The following PAX3 variants were observed in gnomAD, a reference collection of about 807,000 sequenced individuals.
PAX3 encodes the protein paired box 3, also known as paired box protein Pax-3.
PAX3 carries 14 observed loss-of-function variants against 51.6 expected under a neutral mutation model. The ratio of observed to expected loss-of-function variants is 0.27; its 90% CI spans 0.18 to 0.42. PAX3 has a LOEUF of 0.42. Ranked by LOEUF, PAX3 falls within the 10% of genes least tolerant of loss-of-function variation. The probability of loss-of-function intolerance (pLI) is 1.00; values close to 1 mark genes in which losing one functional copy is unlikely to be tolerated. For synonymous variants in PAX3, 280 were observed against 253.4 expected, an observed-to-expected ratio of 1.11 and a Z score of -1.00; for missense variants, 540 against 642.8, an observed-to-expected ratio of 0.84 and a Z score of 1.73.
chr2:222,291,712 TCC>T (rs908671255), intron 4 of PAX3, among the ~76,000 whole-genome samples: 1 of 152,098 alleles, frequency 6.6e-6, no homozygotes, highest in East Asian at 1.9e-4. Context: ...AGCTTTCTTC[TCC>T]CCCTCTGCCA....
chr2:222,275,725 T>TTTTTTATA, intron 4 of PAX3, among the ~76,000 whole-genome samples: 1 of 152,372 alleles, frequency 6.6e-6, no homozygotes, highest in East Asian at 1.9e-4. Context: ...TTTCTTACAT[T>TTTTTTATA]CTTTCCAAGT....
At chr2:222,259,906 A>G (rs546726013) in intron 4 of PAX3, among the ~76,000 whole-genome samples, 126 of 152,284 alleles carry the variant, frequency 8.3e-4, no homozygotes, top group Admixed American at 2.2e-3. Context: ...TTTAAGAGAT[A>G]GGATGTCTCT....
intron 7 of PAX3, among the ~76,000 whole-genome samples, chr2:222,205,231 G>A (rs1691460673): frequency 6.6e-6 from 1 of 152,106 alleles, no homozygotes; most frequent in Non-Finnish European, 1.5e-5. Flanking sequence ...GCCGTATTAG[G>A]GCAATAGAAA....
At chr2:222,202,246 G>A (rs1298395587) in intron 7 of PAX3, 56 bp from the exon 8 acceptor site, 1 of 1,259,064 alleles carries the variant, frequency 7.9e-7, no homozygotes, top group Non-Finnish European at 1.1e-6. Context: ...CCAGATTGCA[G>A]CCTACAGCTG....
chr2:222,249,852 G>A (rs528491928), intron 4 of PAX3, among the ~76,000 whole-genome samples: 1 of 152,184 alleles, frequency 6.6e-6, no homozygotes, highest in African/African-American at 2.4e-5. Flanking sequence ...AGTAACGACA[G>A]CCCTCCCCTG....
chr2:222,273,062 T>C (rs1052371593), intron 4 of PAX3, among the ~76,000 whole-genome samples: 6 of 152,240 alleles, frequency 3.9e-5, no homozygotes, highest in African/African-American at 1.4e-4. Context: ...CTAATTTTTA[T>C]TAACTGAATG....
intron 8 of PAX3, 152 bp from the exon 9 acceptor site, chr2:222,201,594 C>A: frequency 1.5e-6 from 2 of 1,298,152 alleles, no homozygotes; most frequent in South Asian, 1.3e-5. Flanking sequence ...TTTGACACAA[C>A]TTTGTGTCCC....
chr2:222,240,316 T>G (rs901733811), intron 4 of PAX3, among the ~76,000 whole-genome samples: 2 of 152,160 alleles, frequency 1.3e-5, no homozygotes, highest in Non-Finnish European at 2.9e-5. Context: ...GCCTCTGAAG[T>G]GCTGAGCTGC....
chr2:222,291,131 G>C (rs945693488), intron 4 of PAX3, among the ~76,000 whole-genome samples: 2 of 152,196 alleles, frequency 1.3e-5, no homozygotes, highest in Non-Finnish European at 2.9e-5. Context: ...GCGCCCGCGG[G>C]CCCGCTAGGC....
intron 6 of PAX3, 46 bp downstream of exon 6, chr2:222,221,176 A>G (rs1410723004): frequency 6.3e-7 from 1 of 1,580,902 alleles, no homozygotes; most frequent in East Asian, 2.2e-5. Flanking sequence ...CACCAGAGAA[A>G]TCGCCTGGAA....
intron 4 of PAX3, among the ~76,000 whole-genome samples, chr2:222,236,248 C>T (rs1428446102): frequency 6.6e-6 from 1 of 152,122 alleles, no homozygotes; most frequent in Non-Finnish European, 1.5e-5. Flanking sequence ...CAATTTGAAT[C>T]ATTTCATTTT....
At chr2:222,244,061 A>G (rs930943415) in intron 4 of PAX3, among the ~76,000 whole-genome samples, 1 of 152,208 alleles carries the variant, frequency 6.6e-6, no homozygotes, top group Non-Finnish European at 1.5e-5. Context: ...TCTCCTGTCT[A>G]CAAGGTGGTC....
intron 2 of PAX3, 110 bp downstream of exon 2, chr2:222,296,868 G>A: frequency 1.1e-6 from 1 of 932,414 alleles, no homozygotes; most frequent in Non-Finnish European, 1.7e-6. Context: ...ACAAACCTCA[G>A]AAATAACTCA....
chr2:222,210,033 A>G (rs748026166), intron 7 of PAX3, among the ~76,000 whole-genome samples: 3 of 152,118 alleles, frequency 2.0e-5, no homozygotes, highest in Non-Finnish European at 4.4e-5. Context: ...TCTCTCCCAT[A>G]CCTAACTCCA....
intron 7 of PAX3, 47 bp from the exon 8 acceptor site, chr2:222,202,237 C>T: frequency 7.5e-7 from 1 of 1,327,208 alleles, no homozygotes; most frequent in Non-Finnish European, 1.1e-6. Flanking sequence ...CAGAGAGATC[C>T]AGATTGCAGC....
intron 4 of PAX3, among the ~76,000 whole-genome samples, chr2:222,281,149 G>C (rs1694632604): frequency 6.6e-6 from 1 of 152,128 alleles, no homozygotes; most frequent in African/African-American, 2.4e-5. Flanking sequence ...ATGATATTCT[G>C]CTCTGGCATA....
At chr2:222,247,501 G>A (rs1335120365) in intron 4 of PAX3, among the ~76,000 whole-genome samples, 2 of 152,228 alleles carry the variant, frequency 1.3e-5, no homozygotes, top group East Asian at 3.9e-4. Flanking sequence ...CTTTACTCTA[G>A]ATTTGAAAAA....
rs767521734 is a variant in PAX3, at chr2:222,220,333, G to A, written c.980C>T (p.Thr327Ile). 2 of 1,614,006 alleles carry A rather than the reference G, an allele frequency of 1.2e-6. No homozygotes were observed. The highest frequency in any genetic ancestry group is 2.2e-5 in the East Asian group (1 of 44,848). ...AGGAAGCGGTTGAGGTCTGTGAACG[G>A]TGCTGCTGGGATCTGACACAGCTGA... ...IPQAVSDPSS[T>I]VHRPQPLPPS... Residue 327 changes from threonine to isoleucine, a missense_variant, in exon 7 of 9, where the codon ACC becomes ATC. Thr to Ile is a moderately conservative substitution (Grantham distance 89). Around this residue, in one of 3 missense-constraint regions of PAX3, gnomAD observed 427 missense variants for 483.6 expected, o/e 0.88. Transcript: ENST00000392070.
intron 3 of PAX3, among the ~76,000 whole-genome samples, chr2:222,294,842 A>C (rs1442244334): frequency 8.3e-4 from 112 of 135,498 alleles, no homozygotes; most frequent in Non-Finnish European, 9.2e-5. Context: ...TAAAGGGTTT[A>C]AATTTCAACT....
Sources: gnomAD v4.1 joint callset for allele counts (sites outside exome capture counted in the v4.1 genomes callset) on GRCh38, gnomAD v4.1.1 for gene constraint, gnomAD v4.1.1 regional missense constraint, MANE v1.5 for transcripts, NCBI Gene and HGNC (gene_info 2026-07-23, HGNC 2026-07-21) for gene names.